The following SP140L variants were observed in gnomAD, a reference collection of about 807,000 sequenced individuals.
SP140L encodes nuclear body protein SP140-like protein.
Under a neutral mutation model 84.3 loss-of-function variants are expected in SP140L, and 64 were observed. The observed-to-expected ratio is 0.76, with a 90% CI of 0.62 to 0.94. SP140L has a LOEUF of 0.94. SP140L is among the 40% of genes least tolerant of loss of function. SP140L has a pLI of 0.00. For synonymous variants in SP140L, 242 were observed against 236.9 expected (o/e 1.02, Z -0.20); for missense variants, 628 against 692.5 (o/e 0.91, Z 1.05).
intron 7 of SP140L, chr2:230,371,915 C>T (rs2061087469): frequency 2.4e-6 from 1 of 417,314 alleles, no homozygotes; most frequent in East Asian, 5.3e-5. Flanking sequence ...TGGGCCCAAT[C>T]TAATCTTGTA....
At chr2:230,358,915 G>A in intron 3 of SP140L, 49 bp from the exon 4 acceptor site, 5 of 1,471,780 alleles carry the variant, frequency 3.4e-6, no homozygotes, top group Non-Finnish European at 4.5e-6. Flanking sequence ...TGGCTCTTCT[G>A]TAACTTGAAA....
At chr2:230,360,503 A>G (rs1257792899) in intron 4 of SP140L, among the ~76,000 whole-genome samples, 1 of 152,234 alleles carries the variant, frequency 6.6e-6, no homozygotes, top group Non-Finnish European at 1.5e-5. Context: ...CAGAAAGTGA[A>G]TAAAAGGAAA....
chr2:230,369,339 A>G (rs553210332), intron 5 of SP140L, among the ~76,000 whole-genome samples: 21 of 152,188 alleles, frequency 1.4e-4, no homozygotes, highest in Non-Finnish European at 1.5e-5. Flanking sequence ...ACTGAAGGCC[A>G]GAGCCACTGG....
intron 5 of SP140L, among the ~76,000 whole-genome samples, chr2:230,367,295 CT>C (rs200306286): frequency 5.1e-3 from 598 of 117,988 alleles, no homozygotes; most frequent in African/African-American, 0.017. Context: ...TCTTTTTTTT[CT>C]TTTTTTTTTT....
Position 230,386,999 on chromosome 2 carries a change from G to C in SP140L, c.785-1560G>C, listed in dbSNP as rs143749624. ...GAGGAGGGAGGGGTGAAGCATTGAA[G>C]AGGAGAGACCTGGAGATGTCCTGGA... On this transcript the variant is annotated intron_variant, in intron 9 of 18. Coordinates refer to ENST00000415673, the MANE Select transcript of SP140L (RefSeq NM_138402.6). 3.6e-4 allele frequency among the ~76,000 whole-genome samples: 55 copies of C among 152,334 alleles called. 1 individual carries two copies. The East Asian group carries it at 8.1e-3, about 22-fold the overall frequency.
intron 3 of SP140L, 60 bp downstream of exon 3, chr2:230,358,027 G>A: frequency 6.3e-7 from 1 of 1,581,046 alleles, no homozygotes; most frequent in Non-Finnish European, 8.6e-7. Flanking sequence ...AAGTATTTCT[G>A]TAAGTGCTCC....
At chr2:230,352,851 C>T (rs1057331647) in intron 2 of SP140L, among the ~76,000 whole-genome samples, 32 of 148,892 alleles carry the variant, frequency 2.1e-4, no homozygotes, top group Non-Finnish European at 4.6e-4. Flanking sequence ...CATGCACACA[C>T]ACACATATAT....
chr2:230,363,274 A>G (rs1294143071), intron 5 of SP140L, among the ~76,000 whole-genome samples: 27 of 152,156 alleles, frequency 1.8e-4, no homozygotes, highest in Admixed American at 1.8e-3. Flanking sequence ...ACTAATTTAC[A>G]TTTCCATTAA....
At chr2:230,400,652 T>G (rs2062286151) in intron 15 of SP140L, 2 of 573,130 alleles carry the variant, frequency 3.5e-6, no homozygotes, top group African/African-American at 3.8e-5. Flanking sequence ...AAGCCCAGTT[T>G]CTGACACACA....
intron 2 of SP140L, among the ~76,000 whole-genome samples, chr2:230,337,314 A>G (rs1559404437): frequency 1.3e-5 from 2 of 152,122 alleles, no homozygotes; most frequent in Non-Finnish European, 2.9e-5. Context: ...GTCTGTTCAT[A>G]TCCTTCGCCC....
intron 6 of SP140L, 74 bp from the exon 7 acceptor site, chr2:230,371,524 G>A (rs2061070172): frequency 7.8e-7 from 1 of 1,277,482 alleles, no homozygotes; most frequent in Admixed American, 2.3e-5. Flanking sequence ...GCCTTCTATA[G>A]TATGAATTGT....
Position 230,357,892 on chromosome 2 carries a change from A to C in SP140L, c.195A>C (p.Ser65=). The part of the protein sequence containing the change: ...KHFKRHKLEI[S]NAIKKTFPFL... ...TCAAAAGACATAAGCTGGAGATATCAAATGCAATAAAAAAGACATTTCCAT... is the reference window on the plus strand; with the variant it reads ...TCAAAAGACATAAGCTGGAGATATCCAATGCAATAAAAAAGACATTTCCAT... Residue 65 remains serine, a synonymous_variant, in exon 3 of 19, where the codon TCA becomes TCC. Transcript: ENST00000415673. 6.2e-7 allele frequency: 1 copy of C among 1,614,158 alleles called. No homozygotes were observed. The highest frequency in any genetic ancestry group is 8.5e-7 in the Non-Finnish European group (1 of 1,179,958).
chr2:230,348,173 C>G (rs2060266341), intron 2 of SP140L, among the ~76,000 whole-genome samples: 1 of 152,218 alleles, frequency 6.6e-6, no homozygotes, highest in Admixed American at 6.5e-5. Context: ...AGGAGCAACA[C>G]AGTCAAAGTG....
chr2:230,327,406 C>A, intron 1 of SP140L, 105 bp downstream of exon 1: 1 of 1,316,610 alleles, frequency 7.6e-7, no homozygotes, highest in Non-Finnish European at 1.1e-6. Context: ...TCCTGCTTTG[C>A]AAGAACATAG....
intron 2 of SP140L, among the ~76,000 whole-genome samples, chr2:230,331,510 A>G (rs1047161065): frequency 1.8e-4 from 27 of 152,166 alleles, no homozygotes; most frequent in Admixed American, 1.8e-3. Flanking sequence ...TTTAGTTGCT[A>G]TGATCTTCTA....
At chr2:230,361,114 T>A (rs557387404) in intron 4 of SP140L, among the ~76,000 whole-genome samples, 1 of 152,222 alleles carries the variant, frequency 6.6e-6, no homozygotes, top group East Asian at 1.9e-4. Context: ...CACATCAGGC[T>A]GATTTTGCTA....
chr2:230,352,999 A>C, intron 2 of SP140L, among the ~76,000 whole-genome samples: 1 of 152,124 alleles, frequency 6.6e-6, no homozygotes, highest in East Asian at 1.9e-4. Flanking sequence ...TTTCATATAG[A>C]GTTTTTATTT....
intron 5 of SP140L, among the ~76,000 whole-genome samples, chr2:230,363,053 A>G (rs1320572802): frequency 6.6e-6 from 1 of 152,134 alleles, no homozygotes; most frequent in Non-Finnish European, 1.5e-5. Flanking sequence ...CAGCTTTACA[A>G]TGGCTTTATT....
chr2:230,344,123 T>C (rs1251856929), intron 2 of SP140L, among the ~76,000 whole-genome samples: 2 of 152,152 alleles, frequency 1.3e-5, no homozygotes, highest in Non-Finnish European at 2.9e-5. Flanking sequence ...AGTGGGGTGG[T>C]AAAGTCTCAC....
Sources: gnomAD v4.1 joint callset for allele counts (sites outside exome capture counted in the v4.1 genomes callset) on GRCh38, gnomAD v4.1.1 for gene constraint, MANE v1.5 for transcripts, NCBI Gene and HGNC (gene_info 2026-07-23, HGNC 2026-07-21) for gene names.